UGT3A1: variants seen among roughly 807,000 people sequenced by gnomAD.
UGT3A1 encodes UDP glycosyltransferase family 3 member A1.
UGT3A1 carries 40 observed loss-of-function variants against 37.6 expected under a neutral mutation model. That is an observed-to-expected ratio of 1.06 (90% CI 0.83 to 1.38). The LOEUF is 1.38. Ranked by LOEUF, UGT3A1 falls within the 40% of genes most tolerant of loss-of-function variation. The pLI is 0.00. For missense variants in UGT3A1, 642 were observed against 634.2 expected, an observed-to-expected ratio of 1.01 and a Z score of -0.13; for synonymous variants, 256 against 232.3, an observed-to-expected ratio of 1.10 and a Z score of -0.93.
intron 4 of UGT3A1, 117 bp from the exon 5 acceptor site, chr5:35,957,536 C>T (rs1051026602): frequency 2.3e-5 from 18 of 789,528 alleles, no homozygotes; most frequent in Non-Finnish European, 3.5e-5. Context: ...TGTCTTCACT[C>T]TCCCGAAGCT....
chr5:35,991,117 T>A (rs766672739), intron 1 of UGT3A1, 30 bp downstream of exon 1: 10 of 1,614,112 alleles, frequency 6.2e-6, no homozygotes, highest in Non-Finnish European at 8.5e-6. Flanking sequence ...GGGACGCGCC[T>A]GTCTGGGAAT....
intron 4 of UGT3A1, chr5:35,961,067 C>T (rs1352966325): frequency 6.6e-6 from 1 of 152,202 alleles, no homozygotes; most frequent in Non-Finnish European, 1.5e-5. Flanking sequence ...TGTGTGAAAA[C>T]AGGAATGCAT....
chr5:35,983,746 A>G (rs902148252), intron 2 of UGT3A1, among the ~76,000 whole-genome samples: 38 of 152,238 alleles, frequency 2.5e-4, no homozygotes, highest in Non-Finnish European at 5.1e-4. Flanking sequence ...AGTTCAACAT[A>G]TGCAAATCAA....
chr5:35,975,306 A>T (rs1372876615), intron 2 of UGT3A1, among the ~76,000 whole-genome samples: 1 of 152,250 alleles, frequency 6.6e-6, no homozygotes, highest in Non-Finnish European at 1.5e-5. Flanking sequence ...AGAGAACAAC[A>T]TTGATTGCCT....
intron 2 of UGT3A1, among the ~76,000 whole-genome samples, chr5:35,986,384 C>A (rs1164421209): frequency 6.6e-6 from 1 of 152,038 alleles, no homozygotes; most frequent in Non-Finnish European, 1.5e-5. Context: ...ATGTTTATTG[C>A]AGCACTGTTT....
rs1739397310 is a variant in UGT3A1 at position 35,957,358 on chromosome 5, G to A, written c.905C>T (p.Ser302Phe). The A allele has an allele frequency of 1.2e-6, 2 of 1,614,024 alleles. No homozygotes were observed. The highest frequency in any genetic ancestry group is 1.3e-5 in the African/African-American group (1 of 74,898). Reference protein sequence around the residue: ...DAGFVLVAFGSMLNTHQSQEV... With the variant: ...DAGFVLVAFGFMLNTHQSQEV... The stretch of plus-strand genomic sequence containing the variant: ...CTGGGACTGATGGGTGTTCAACATG[G>A]AGCCAAAGGCCACAAGGACAAACCC... Residue 302 changes from serine to phenylalanine, a missense_variant, in exon 5 of 7, where the codon TCC (serine) becomes TTC (phenylalanine). Transcript: ENST00000274278.
chr5:35,959,861 AG>A (rs1349908819), intron 4 of UGT3A1, among the ~76,000 whole-genome samples: 5 of 152,330 alleles, frequency 3.3e-5, no homozygotes, highest in African/African-American at 9.6e-5. Flanking sequence ...GCAAAGTCGA[AG>A]GAAAAAAGTC....
In UGT3A1 at chr5:35,954,013, A is replaced by T. The variant is rs1739256482; in HGVS notation, c.*189T>A. The T allele has an allele frequency of 1.6e-6, 1 of 624,768 alleles. No individual in the cohort carries two copies. Among genetic ancestry groups the T allele is most frequent in the South Asian group, 2.3e-5 (1 of 42,896 alleles). The allele number at this position is 624,768 out of a possible 1,614,324, so 38.7% of individuals were successfully genotyped here. A position where few individuals can be genotyped will look rare whatever the true frequency, so the allele number is the denominator to read the frequency against. ...ATCTGAGCTGGGGTTTCAAGTCACAAGGGGCAAGTCAAGAAGCCTCAGTGG... is the reference window on the plus strand; with the variant it reads ...ATCTGAGCTGGGGTTTCAAGTCACATGGGGCAAGTCAAGAAGCCTCAGTGG... On this transcript the variant is annotated 3_prime_UTR_variant, in exon 7 of 7. Transcript: ENST00000274278.
chr5:35,985,059 C>T (rs187742770), intron 2 of UGT3A1, among the ~76,000 whole-genome samples: 49 of 58,776 alleles, frequency 8.3e-4, no homozygotes, highest in Admixed American at 3.5e-3. Flanking sequence ...TGAATCTTAC[C>T]GGAAAATAAA....
chr5:35,988,611 G>A (rs1561473270), intron 1 of UGT3A1, 60 bp from the exon 2 acceptor site: 17 of 1,317,644 alleles, frequency 1.3e-5, no homozygotes, highest in Non-Finnish European at 1.8e-5. Context: ...ATGACAATAT[G>A]GGAGTAGGCA....
At chr5:35,984,223 G>A (rs1452688765) in intron 2 of UGT3A1, among the ~76,000 whole-genome samples, 1 of 152,074 alleles carries the variant, frequency 6.6e-6, no homozygotes, top group African/African-American at 2.4e-5. Context: ...AAAAATCAAA[G>A]TACAAAAACC....
intron 4 of UGT3A1, among the ~76,000 whole-genome samples, chr5:35,963,433 G>A (rs539009563): frequency 6.6e-6 from 1 of 152,236 alleles, no homozygotes; most frequent in African/African-American, 2.4e-5. Context: ...TCTCAAATGG[G>A]CCCTGCCGAA....
At position 35,968,099 on chromosome 5, in the gene UGT3A1, G is replaced by A. The variant is rs1264878425; in HGVS notation, c.231C>T (p.Ile77=). 2 of 1,612,726 alleles carry A rather than the reference G, an allele frequency of 1.2e-6. No homozygotes were observed. Among genetic ancestry groups the A allele is most frequent in the Non-Finnish European group, 1.7e-6 (2 of 1,179,594 alleles). Residue 77 remains isoleucine, a synonymous_variant, in exon 3 of 7, where the codon ATC becomes ATT. Coordinates refer to ENST00000274278, the MANE Select transcript of UGT3A1 (RefSeq NM_152404.4). ...IKEEEKSYQV[I]RWFSPEDHQK... ...GATGATCTTCAGGTGAAAACCACCT[G>A]ATAACTTGGTATGATTTTTCCTCCT...
chr5:35,974,209 TAA>T (rs1740166281), intron 2 of UGT3A1, among the ~76,000 whole-genome samples: 1 of 152,132 alleles, frequency 6.6e-6, no homozygotes, highest in Non-Finnish European at 1.5e-5. Flanking sequence ...GAAATAAAAA[TAA>T]TTATATTTTT....
At position 35,952,980 on chromosome 5, in the gene UGT3A1, T is replaced by C. The variant is rs902948699; in HGVS notation, c.*1222A>G. 1 of 152,286 alleles carries C rather than the reference T, an allele frequency of 6.6e-6. No homozygotes were observed. Among genetic ancestry groups the C allele is most frequent in the Admixed American group, 6.5e-5 (1 of 15,284 alleles). 9.4% of individuals were successfully genotyped at this position (152,286 alleles called of 1,614,324 possible). The stretch of plus-strand genomic sequence containing the variant: ...GTTTCATCTTTTGATCTGAATTGTT[T>C]CAAGATCTGTTTCACAATTCTAGAA... On this transcript the variant is annotated 3_prime_UTR_variant, in exon 7 of 7. Transcript: ENST00000274278.
chr5:35,964,029 G>A (rs920177823), intron 4 of UGT3A1, among the ~76,000 whole-genome samples: 2 of 152,118 alleles, frequency 1.3e-5, no homozygotes, highest in Non-Finnish European at 2.9e-5. Context: ...GAGACAGATG[G>A]TAACGATAGT....
At chr5:35,961,523 C>G (rs542747297) in intron 4 of UGT3A1, 20 of 152,258 alleles carry the variant, frequency 1.3e-4, no homozygotes, top group Non-Finnish European at 2.6e-4. Flanking sequence ...CTGTTTCACC[C>G]TGGTGAAAGA....
rs1373185902 is a variant in UGT3A1, at chr5:35,985,077, T to TA, written c.196+3372dup. ...ATCTTACCGGAAAATAAACATAAAA[T>TA]ATAAAAAAAAAAAAAAAAGAAATTC... On this transcript the variant is annotated intron_variant, in intron 2 of 6. Coordinates refer to ENST00000274278, the MANE Select transcript of UGT3A1 (RefSeq NM_152404.4). Among the ~76,000 whole-genome samples, 7 of 14,722 alleles carry TA rather than the reference T, an allele frequency of 4.8e-4. No individual in the cohort carries two copies. The East Asian group carries it at 5.4e-3, about 11-fold the overall frequency. 9.7% of individuals were successfully genotyped at this position (14,722 alleles called of 152,430 possible). A position where few individuals can be genotyped will look rare whatever the true frequency, so the allele number is the denominator to read the frequency against.
chr5:35,969,400 G>T (rs1234875852), intron 2 of UGT3A1, among the ~76,000 whole-genome samples: 2 of 152,066 alleles, frequency 1.3e-5, no homozygotes, highest in Non-Finnish European at 2.9e-5. Flanking sequence ...CAGAAAGAAG[G>T]TCTCTAACCT....
Sources: allele counts gnomAD v4.1 joint callset (sites outside exome capture counted in the v4.1 genomes callset), GRCh38; gene constraint gnomAD v4.1.1; transcripts MANE v1.5; gene names NCBI Gene and HGNC (gene_info 2026-07-23, HGNC 2026-07-21).